The following ZDHHC17 variants were observed in gnomAD, a reference collection of about 807,000 sequenced individuals.
ZDHHC17 encodes zDHHC palmitoyltransferase 17.
ZDHHC17 carries 40 observed loss-of-function variants against 90.3 expected under a neutral mutation model. The observed-to-expected ratio is 0.44, with a 90% confidence interval of 0.34 to 0.58. The LOEUF (loss-of-function observed/expected upper bound fraction) is 0.58. ZDHHC17 is among the 20% of genes least tolerant of loss of function. The probability of loss-of-function intolerance (pLI) is 0.01; values close to 1 mark genes in which losing one functional copy is unlikely to be tolerated. For missense variants in ZDHHC17, 614 were observed against 780.8 expected (o/e 0.79, Z 2.55); for synonymous variants, 235 against 252.4 (o/e 0.93, Z 0.65).
intron 1 of ZDHHC17, among the ~76,000 whole-genome samples, chr12:76,776,165 C>T (rs1396254294): frequency 6.6e-6 from 1 of 151,928 alleles, no homozygotes; most frequent in Non-Finnish European, 1.5e-5. Flanking sequence ...CATAGCAGAC[C>T]ATATATAAAC....
chr12:76,838,358 C>G (rs1280820925), intron 10 of ZDHHC17, among the ~76,000 whole-genome samples: 3 of 152,042 alleles, frequency 2.0e-5, no homozygotes, highest in African/African-American at 7.2e-5. Context: ...TTTCATCTTT[C>G]ATCTTGCTCG....
At chr12:76,767,018 C>CAAAA (rs375447750) in intron 1 of ZDHHC17, among the ~76,000 whole-genome samples, 2 of 85,876 alleles carry the variant, frequency 2.3e-5, no homozygotes, top group African/African-American at 3.8e-5. Flanking sequence ...GATTATGTCT[C>CAAAA]AAAAAAAAAA....
chr12:76,795,582 TAAG>T (rs199778231), intron 1 of ZDHHC17, among the ~76,000 whole-genome samples: 1,680 of 152,218 alleles, frequency 0.011, 11 homozygotes, highest in Non-Finnish European at 0.017. Context: ...AATTTAGAAA[TAAG>T]AAAGTGTTAC....
At position 76,815,865 on chromosome 12, in the gene ZDHHC17, C is replaced by T; in HGVS notation, c.617C>T (p.Pro206Leu). The T allele has an allele frequency of 6.6e-7, 1 of 1,510,428 alleles. No homozygotes were observed. The highest frequency in any genetic ancestry group is 2.3e-5 in the Admixed American group (1 of 43,236). The allele number at this position is 1,510,428 out of a possible 1,614,324, so 93.6% of individuals were successfully genotyped here. ...WAAYRTHSVDPTRLLLTFNVS... is the reference protein window; with the variant it reads ...WAAYRTHSVDLTRLLLTFNVS... The stretch of plus-strand genomic sequence containing the variant: ...TTTTTTTTCCTTTTCAGTGTGGATC[C>T]AACTAGATTGCTTTTAACATTCAAT... The change falls in exon 7 of 17, where the codon CCA becomes CTA. Residue 206 changes from proline (P) to leucine (L), a missense_variant. Transcript: ENST00000426126.
chr12:76,764,459 G>A (rs575807896), intron 1 of ZDHHC17, 130 bp downstream of exon 1: 173 of 858,024 alleles, frequency 2.0e-4, no homozygotes, highest in Middle Eastern at 7.4e-4. Flanking sequence ...GTGGGGAGGC[G>A]AATCCAGGCC....
chr12:76,826,365 A>G (rs1290770291), intron 8 of ZDHHC17, among the ~76,000 whole-genome samples: 1 of 152,200 alleles, frequency 6.6e-6, no homozygotes, highest in East Asian at 1.9e-4. Context: ...CTCTGCCTTG[A>G]TCTTTGTTCA....
chr12:76,815,926 C>T lies in ZDHHC17; in HGVS notation c.678C>T (p.Asn226=). ...SVNLGDKYHK[N]TALHWAVLAG... ...ACCTTGGTGACAAGTATCACAAAAA[C>T]ACTGCTCTGCATTGGGCAGTGCTAG... Residue 226 remains asparagine, a synonymous_variant, in exon 7 of 17, where the codon AAC becomes AAT. Coordinates refer to ENST00000426126, the MANE Select transcript of ZDHHC17 (RefSeq NM_015336.4). 1.3e-6 allele frequency: 2 copies of T among 1,569,014 alleles called. No individual in the cohort carries two copies. The highest frequency in any genetic ancestry group is 2.3e-5 in the South Asian group (2 of 85,910).
At chr12:76,789,646 A>C (rs1440472499) in intron 1 of ZDHHC17, among the ~76,000 whole-genome samples, 8 of 152,182 alleles carry the variant, frequency 5.3e-5, no homozygotes, top group African/African-American at 1.9e-4. Context: ...ATTATAGACT[A>C]TATAAAAATA....
intron 1 of ZDHHC17, among the ~76,000 whole-genome samples, chr12:76,793,722 G>A (rs891810714): frequency 3.3e-5 from 5 of 152,144 alleles, no homozygotes; most frequent in Non-Finnish European, 5.9e-5. Flanking sequence ...CCTCTCAGTC[G>A]TGGATTTTTT....
At chr12:76,850,779 A>T in intron 16 of ZDHHC17, 68 bp from the exon 17 acceptor site, 3 of 1,537,062 alleles carry the variant, frequency 2.0e-6, no homozygotes, top group Non-Finnish European at 2.6e-6. Context: ...CACGAAAATT[A>T]TATTGAATTC....
intron 2 of ZDHHC17, among the ~76,000 whole-genome samples, chr12:76,804,281 A>T (rs1480566609): frequency 6.6e-6 from 1 of 152,238 alleles, no homozygotes; most frequent in African/African-American, 2.4e-5. Context: ...ACAGCTATTA[A>T]TAAACAAATG....
chr12:76,834,442 T>C (rs906530802), intron 10 of ZDHHC17, among the ~76,000 whole-genome samples: 1 of 152,198 alleles, frequency 6.6e-6, no homozygotes, highest in Admixed American at 6.5e-5. Flanking sequence ...TGATTACATA[T>C]ATTAAAAAAT....
chr12:76,805,427 T>C lies in ZDHHC17; in HGVS notation c.308T>C (p.Ile103Thr), dbSNP rs764418561. 40 of 1,583,262 alleles carry C rather than the reference T, an allele frequency of 2.5e-5. No homozygotes were observed. The highest frequency in any genetic ancestry group is 8.8e-5 in the Admixed American group (5 of 56,992). Residue 103 changes from isoleucine (I) to threonine (T), a missense_variant, in exon 3 of 17, where the codon ATA (isoleucine) becomes ACA (threonine). Around this residue, in one of 5 missense-constraint regions of ZDHHC17, gnomAD observed 358 missense variants for 380.4 expected, o/e 0.94. Transcript: ENST00000426126. ...LLHWAAINNR[I>T]DLVKYYISKG... ...CATTGGGCTGCCATCAATAACAGAA[T>C]AGATTTAGTCAAGTATGTATTTTCT...
intron 2 of ZDHHC17, among the ~76,000 whole-genome samples, chr12:76,797,891 C>G (rs1952840267): frequency 6.6e-6 from 1 of 151,540 alleles, no homozygotes; most frequent in Admixed American, 6.6e-5. Flanking sequence ...TTGCAGTGAG[C>G]CGAGATTGCG....
At chr12:76,779,676 A>G (rs548131956) in intron 1 of ZDHHC17, among the ~76,000 whole-genome samples, 1 of 152,294 alleles carries the variant, frequency 6.6e-6, no homozygotes, top group East Asian at 1.9e-4. Context: ...TTTAATTTTG[A>G]TGAAGTCTAT....
chr12:76,795,311 A>G (rs1227883016), intron 1 of ZDHHC17, among the ~76,000 whole-genome samples: 1 of 151,792 alleles, frequency 6.6e-6, no homozygotes. Context: ...GTTGATCTTG[A>G]TTACTGCGTT....
intron 10 of ZDHHC17, among the ~76,000 whole-genome samples, chr12:76,829,455 CAAAAAAAAAAAAAAAAAAAAAA>C (rs58051393): frequency 2.8e-5 from 2 of 71,904 alleles, no homozygotes; most frequent in African/African-American, 1.3e-4. Flanking sequence ...GACTATGTCT[CAAAAAAAAAAAAAAAAAAAAAA>C]AAAAAAAGAA....
intron 1 of ZDHHC17, among the ~76,000 whole-genome samples, chr12:76,795,034 A>G (rs919345307): frequency 6.6e-6 from 1 of 152,144 alleles, no homozygotes; most frequent in African/African-American, 2.4e-5. Context: ...TGCTTATAAT[A>G]TTTGACTTAT....
At chr12:76,843,680 A>G (rs1953461939) in intron 12 of ZDHHC17, among the ~76,000 whole-genome samples, 1 of 152,130 alleles carries the variant, frequency 6.6e-6, no homozygotes, top group Non-Finnish European at 1.5e-5. Flanking sequence ...TGAAAAATAT[A>G]TATACTGCCA....
Sources: allele counts gnomAD v4.1 joint callset (sites outside exome capture counted in the v4.1 genomes callset), GRCh38; gene constraint gnomAD v4.1.1; regional missense constraint gnomAD v4.1.1; transcripts MANE v1.5; gene names NCBI Gene and HGNC (gene_info 2026-07-23, HGNC 2026-07-21).